Variants in AP3S1 observed in about 807,000 individuals in gnomAD.
AP3S1 encodes the protein adaptor related protein complex 3 subunit sigma 1.
Under a neutral mutation model 21.3 loss-of-function variants are expected in AP3S1, and 12 were observed. That is an observed-to-expected ratio of 0.56 (90% CI 0.36 to 0.91). AP3S1 has a LOEUF of 0.91. Ranked by LOEUF, AP3S1 falls within the 40% of genes least tolerant of loss-of-function variation. AP3S1 has a pLI of 0.01. For missense variants in AP3S1, 116 were observed against 225.0 expected, an observed-to-expected ratio of 0.52 and a Z score of 3.10; for synonymous variants, 48 against 78.4, an observed-to-expected ratio of 0.61 and a Z score of 2.05.
rs1749979959 is a variant in AP3S1, at chr5:115,888,352, T to G, written c.274-6735T>G. 3.3e-5 allele frequency among the ~76,000 whole-genome samples: 5 copies of G among 152,170 alleles called. No homozygotes were observed. The South Asian group carries it at 1.0e-3, about 32-fold the overall frequency. On this transcript the variant is annotated intron_variant, in intron 3 of 5. Transcript: ENST00000316788. ...ACTCTAATTTTTCCCCCTTAATTTC[T>G]TCACTTCAGATTGTCAGTTATTTGT... is the stretch of plus-strand genomic sequence containing the variant.
intron 1 of AP3S1, among the ~76,000 whole-genome samples, chr5:115,854,057 C>T (rs1488550178): frequency 1.3e-5 from 2 of 152,262 alleles, no homozygotes; most frequent in African/African-American, 2.4e-5. Context: ...CTTCCTGCTG[C>T]ATCATAACAT....
At chr5:115,897,798 G>A (rs1425210988) in intron 4 of AP3S1, among the ~76,000 whole-genome samples, 5 of 151,846 alleles carry the variant, frequency 3.3e-5, no homozygotes. Context: ...TCCTGACCTC[G>A]TGATCTGCCT....
chr5:115,889,730 A>G (rs1214053798), intron 3 of AP3S1, among the ~76,000 whole-genome samples: 1 of 152,010 alleles, frequency 6.6e-6, no homozygotes, highest in Non-Finnish European at 1.5e-5. Flanking sequence ...AATCCCAGCT[A>G]CTCAGGTGTC....
At chr5:115,895,915 G>T (rs1445082803) in intron 4 of AP3S1, among the ~76,000 whole-genome samples, 1 of 152,150 alleles carries the variant, frequency 6.6e-6, no homozygotes, top group Non-Finnish European at 1.5e-5. Context: ...GAAGGTGAGA[G>T]AAAGAATGAC....
chr5:115,842,155 C>T lies in AP3S1; in HGVS notation c.69+49C>T, dbSNP rs778608820. 171 of 1,520,926 alleles carry T rather than the reference C, an allele frequency of 1.1e-4. No individual in the cohort carries two copies. In the Middle Eastern group the frequency reaches 3.2e-3, roughly 29 times the overall value. 94.2% of individuals were successfully genotyped at this position (1,520,926 alleles called of 1,614,324 possible). On this transcript the variant is annotated intron_variant, in intron 1 of 5. Transcript: ENST00000316788. ...CCGGGCGAGGGGGAGTCGTTGGCGA[C>T]GGGCAGCGCCCAGCGCGGCTTTCTC... is the stretch of plus-strand genomic sequence containing the variant.
intron 3 of AP3S1, among the ~76,000 whole-genome samples, chr5:115,881,278 A>G (rs1017323678): frequency 1.3e-5 from 2 of 152,112 alleles, no homozygotes; most frequent in African/African-American, 4.8e-5. Flanking sequence ...TAGTTGGTGC[A>G]GTTTCTTCAT....
intron 3 of AP3S1, among the ~76,000 whole-genome samples, chr5:115,879,776 A>G (rs1369370664): frequency 6.6e-6 from 1 of 152,174 alleles, no homozygotes; most frequent in Admixed American, 6.5e-5. Context: ...TTCAGAAGGA[A>G]TGATACCATC....
At chr5:115,910,199 A>G (rs897506786) in intron 5 of AP3S1, among the ~76,000 whole-genome samples, 7 of 151,634 alleles carry the variant, frequency 4.6e-5, no homozygotes, top group Non-Finnish European at 8.8e-5. Flanking sequence ...CAGGAGTTCA[A>G]GGCTGCAGTG....
rs150852764 is a variant in AP3S1 at position 115,897,311 on chromosome 5, GTC to G, written c.345+2159_345+2160del. 9.3e-3 allele frequency among the ~76,000 whole-genome samples: 1,414 copies of G among 152,164 alleles called. 13 individuals carry two copies. The highest frequency in any genetic ancestry group is 0.024 in the Middle Eastern group (7 of 294). On this transcript the variant is annotated intron_variant, in intron 4 of 5. Transcript: ENST00000316788. ...ATTTTAGAACCTGCCAAAATTAGCT[GTC>G]TCTCTTTTCTCTGGGCTAAGATCTT... is the stretch of plus-strand genomic sequence containing the variant.
At chr5:115,858,236 A>G (rs1052598818) in intron 1 of AP3S1, among the ~76,000 whole-genome samples, 1 of 152,182 alleles carries the variant, frequency 6.6e-6, no homozygotes, top group Non-Finnish European at 1.5e-5. Context: ...TGGGAAGTAG[A>G]TTTTTTGTGA....
intron 5 of AP3S1, among the ~76,000 whole-genome samples, chr5:115,905,259 T>C (rs1751550955): frequency 6.6e-6 from 1 of 152,226 alleles, no homozygotes; most frequent in Non-Finnish European, 1.5e-5. Context: ...ATTTTTCTTA[T>C]CTATAAAGAG....
intron 3 of AP3S1, among the ~76,000 whole-genome samples, chr5:115,873,682 ATTAT>A (rs1455756019): frequency 4.6e-5 from 7 of 152,170 alleles, no homozygotes; most frequent in African/African-American, 1.7e-4. Flanking sequence ...TGCATAGCTT[ATTAT>A]TTCTGCTTCT....
chr5:115,885,971 C>G (rs367996971), intron 3 of AP3S1, among the ~76,000 whole-genome samples: 203 of 152,116 alleles, frequency 1.3e-3, no homozygotes, highest in African/African-American at 4.5e-3. Context: ...TTATACTTTT[C>G]TGTATTTTCC....
chr5:115,886,760 C>G (rs985383523), intron 3 of AP3S1, among the ~76,000 whole-genome samples: 1 of 152,144 alleles, frequency 6.6e-6, no homozygotes, highest in Non-Finnish European at 1.5e-5. Flanking sequence ...TTATAATTAA[C>G]TTTCTATAAA....
intron 4 of AP3S1, chr5:115,898,880 G>C (rs1443869310): frequency 3.3e-5 from 5 of 152,220 alleles, no homozygotes; most frequent in Admixed American, 1.3e-4. Flanking sequence ...GGATTTGCTG[G>C]GGGAGCTGCT....
intron 1 of AP3S1, among the ~76,000 whole-genome samples, chr5:115,842,951 CTATT>C (rs1761742555): frequency 6.7e-6 from 1 of 150,120 alleles, no homozygotes; most frequent in Admixed American, 6.6e-5. Context: ...TAGTTTTTTT[CTATT>C]TATGAAGAAT....
At chr5:115,910,970 C>G (rs1752055526) in intron 5 of AP3S1, among the ~76,000 whole-genome samples, 1 of 152,076 alleles carries the variant, frequency 6.6e-6, no homozygotes, top group Non-Finnish European at 1.5e-5. Context: ...TAGTTCCTAT[C>G]TTTTGCATGT....
At chr5:115,891,659 C>G (rs1750312420) in intron 3 of AP3S1, among the ~76,000 whole-genome samples, 1 of 152,176 alleles carries the variant, frequency 6.6e-6, no homozygotes. Context: ...TCAGAGCCCC[C>G]ACACAGAGTC....
intron 2 of AP3S1, among the ~76,000 whole-genome samples, chr5:115,868,955 G>GAGGAAGGA (rs1747966560): frequency 4.8e-5 from 1 of 20,636 alleles, no homozygotes; most frequent in African/African-American, 1.6e-4. Flanking sequence ...GGAAGGAAGG[G>GAGGAAGGA]AGGGAGGGAG....
Sources: gnomAD v4.1 joint callset for allele counts (sites outside exome capture counted in the v4.1 genomes callset) on GRCh38, gnomAD v4.1.1 for gene constraint, MANE v1.5 for transcripts, NCBI Gene and HGNC (gene_info 2026-07-23, HGNC 2026-07-21) for gene names.